PARD3B: variants seen among roughly 807,000 people sequenced by gnomAD.
PARD3B encodes the protein partitioning defective 3 homolog B.
PARD3B carries 103 observed loss-of-function variants against 130.2 expected under a neutral mutation model. The ratio of observed to expected loss-of-function variants is 0.79; its 90% confidence interval spans 0.67 to 0.93. PARD3B has a LOEUF of 0.93. Ranked by LOEUF, PARD3B falls within the 40% of genes least tolerant of loss-of-function variation. PARD3B has a pLI of 0.00. For synonymous variants in PARD3B, 583 were observed against 553.2 expected (o/e 1.05, Z -0.76); for missense variants, 1,609 against 1,499.2 (o/e 1.07, Z -1.21).
chr2:205,429,050 G>A (rs554917633), intron 19 of PARD3B, among the ~76,000 whole-genome samples: 8 of 152,282 alleles, frequency 5.3e-5, no homozygotes, highest in African/African-American at 1.7e-4. Context: ...CCAGAAGAAC[G>A]AAAGAGCTCA....
chr2:204,915,161 G>A (rs1454935060), intron 2 of PARD3B, among the ~76,000 whole-genome samples: 1 of 152,170 alleles, frequency 6.6e-6, no homozygotes, highest in Non-Finnish European at 1.5e-5. Flanking sequence ...TGGAAAGAGA[G>A]AACATTGTTA....
chr2:205,079,461 A>T (rs1701273564), intron 4 of PARD3B, among the ~76,000 whole-genome samples: 1 of 152,162 alleles, frequency 6.6e-6, no homozygotes, highest in South Asian at 2.1e-4. Flanking sequence ...TCCTTACATG[A>T]CAGAAGGCAG....
chr2:205,588,099 C>G (rs960636181), intron 22 of PARD3B, among the ~76,000 whole-genome samples: 4 of 152,200 alleles, frequency 2.6e-5, no homozygotes, highest in African/African-American at 9.6e-5. Flanking sequence ...GAGAAAATTT[C>G]CAGACATTTC....
At chr2:204,905,185 C>T (rs975885668) in intron 2 of PARD3B, among the ~76,000 whole-genome samples, 12 of 152,192 alleles carry the variant, frequency 7.9e-5, no homozygotes, top group African/African-American at 2.9e-4. Context: ...TCCCCTACCT[C>T]CTTCAAGGTC....
In PARD3B at chr2:205,033,067, T is replaced by C. The variant is rs114805835; in HGVS notation, c.395-14514T>C. Among the ~76,000 whole-genome samples, 682 of 152,288 alleles carry C rather than the reference T, an allele frequency of 4.5e-3. 3 individuals carry two copies. Among genetic ancestry groups the C allele is most frequent in the Non-Finnish European group, 7.6e-3 (516 of 68,026 alleles). On this transcript the variant is annotated intron_variant, in intron 3 of 22. Coordinates refer to ENST00000406610, the MANE Select transcript of PARD3B (RefSeq NM_001302769.2). ...CTTGAAGTATTCTTTTACAGGCTGTTCTCAACTCACTGGGGGCTGTGACCT... is the reference window on the plus strand; with the variant it reads ...CTTGAAGTATTCTTTTACAGGCTGTCCTCAACTCACTGGGGGCTGTGACCT...
chr2:205,470,581 A>G lies in PARD3B; in HGVS notation c.3045-29315A>G, dbSNP rs889998657. Among the ~76,000 whole-genome samples the G allele has an allele frequency of 6.6e-6, 1 of 152,224 alleles. No individual in the cohort carries two copies. The highest frequency in any genetic ancestry group is 1.9e-4 in the East Asian group (1 of 5,194). On this transcript the variant is annotated intron_variant, in intron 20 of 22. Transcript: ENST00000406610. This position sits in a 1 kb window ranked among gnomAD's most constrained non-coding sequence, Gnocchi z 4.8. ...TGTCTAGATAATGAGAATTTAAGTT[A>G]TAAGATTTGTAAGGATCATGGAATA...
chr2:204,766,539 A>G (rs1012545182), intron 2 of PARD3B, among the ~76,000 whole-genome samples: 1 of 152,204 alleles, frequency 6.6e-6, no homozygotes, highest in Admixed American at 6.6e-5. Context: ...CTCTTAATGT[A>G]CTATTGCTAT....
At position 204,576,476 on chromosome 2, in the gene PARD3B, ACT is replaced by A. The variant is rs565858232; in HGVS notation, c.120+30360_120+30361del. ...GTTTTTTTTCCAGTTAAAAATGATA[ACT>A]CTTCTATCTGGTGGTTCTCAACATG... On this transcript the variant is annotated intron_variant, in intron 1 of 22. Coordinates refer to ENST00000406610, the MANE Select transcript of PARD3B (RefSeq NM_001302769.2). Among the ~76,000 whole-genome samples, 15 of 151,992 alleles carry A rather than the reference ACT, an allele frequency of 9.9e-5. No individual in the cohort carries two copies. In the East Asian group the frequency reaches 2.9e-3, roughly 29 times the overall value.
intron 19 of PARD3B, among the ~76,000 whole-genome samples, chr2:205,419,151 G>A (rs2046878815): frequency 6.6e-6 from 1 of 152,064 alleles, no homozygotes. Flanking sequence ...CATGGGTCAT[G>A]GGAGGGACCC....
In PARD3B at chr2:205,288,777, C is replaced by A. The variant is rs772910877; in HGVS notation, c.2186-11753C>A. Among the ~76,000 whole-genome samples, 57 of 152,172 alleles carry A rather than the reference C, an allele frequency of 3.7e-4. No individual in the cohort carries two copies. The highest frequency in any genetic ancestry group is 6.8e-4 in the Non-Finnish European group (46 of 68,030). On this transcript the variant is annotated intron_variant, in intron 16 of 22. Coordinates refer to ENST00000406610, the MANE Select transcript of PARD3B (RefSeq NM_001302769.2). The surrounding 1 kb of genome is among the most constrained non-coding windows in gnomAD (Gnocchi z 4.0). ...GCCTGTCCACCTCCTACTTCTCTTA[C>A]CTATATATCATCCATCTTCAAGGAT...
intron 20 of PARD3B, among the ~76,000 whole-genome samples, chr2:205,454,147 G>T (rs545769783): frequency 6.6e-6 from 1 of 152,238 alleles, no homozygotes; most frequent in South Asian, 2.1e-4. Context: ...TGCTAGATTT[G>T]TGTGGATCTG....
In PARD3B at chr2:205,160,887, C is replaced by A. The variant is rs2034467255; in HGVS notation, c.1620+1980C>A. ...GAATCCAGGCAGTCTGACTCCAGAA[C>A]CTGCGTTATGCTGCACTGAAATGAA... On this transcript the variant is annotated intron_variant, in intron 11 of 22. Coordinates refer to ENST00000406610, the MANE Select transcript of PARD3B (RefSeq NM_001302769.2). This position sits in a 1 kb window ranked among gnomAD's most constrained non-coding sequence, Gnocchi z 4.0. Among the ~76,000 whole-genome samples the A allele has an allele frequency of 6.6e-6, 1 of 152,150 alleles. No homozygotes were observed. The highest frequency in any genetic ancestry group is 6.5e-5 in the Admixed American group (1 of 15,276).
rs1188607669 is a variant in PARD3B, at chr2:205,390,300, G to GAAA, written c.2631-10703_2631-10701dup. On this transcript the variant is annotated intron_variant, in intron 18 of 22. Transcript: ENST00000406610. ...TATATATTAGAAAGAAGAAGAATAT[G>GAAA]AAAAAAAAAAAAGCTCTAGTTATAC... is the stretch of plus-strand genomic sequence containing the variant. Among the ~76,000 whole-genome samples the GAAA allele has an allele frequency of 6.6e-4, 93 of 140,326 alleles. 1 individual carries two copies. The highest frequency in any genetic ancestry group is 2.3e-3 in the African/African-American group (87 of 38,654). 92.1% of individuals were successfully genotyped at this position (140,326 alleles called of 152,430 possible).
chr2:204,658,554 T>C (rs1032352819), intron 1 of PARD3B, among the ~76,000 whole-genome samples: 1 of 152,192 alleles, frequency 6.6e-6, no homozygotes, highest in Non-Finnish European at 1.5e-5. Flanking sequence ...CTTTGTCAGT[T>C]ACCTCAAAGC....
At chr2:205,221,685 T>C (rs185612763) in intron 15 of PARD3B, among the ~76,000 whole-genome samples, 35 of 152,226 alleles carry the variant, frequency 2.3e-4, no homozygotes, top group Middle Eastern at 3.4e-3. Context: ...TTCATTACCA[T>C]GTACAAACAA....
intron 2 of PARD3B, among the ~76,000 whole-genome samples, chr2:204,740,890 G>C (rs112565607): frequency 6.6e-6 from 1 of 152,122 alleles, no homozygotes; most frequent in Non-Finnish European, 1.5e-5. Flanking sequence ...GGATGTTTTT[G>C]TGTATCTTAA....
At chr2:205,004,138 A>G (rs776654217) in intron 3 of PARD3B, among the ~76,000 whole-genome samples, 3 of 152,184 alleles carry the variant, frequency 2.0e-5, no homozygotes, top group African/African-American at 4.8e-5. Context: ...TCTTATTCAG[A>G]GTTGGGGTAT....
chr2:205,339,577 G>A (rs780650259), intron 18 of PARD3B, among the ~76,000 whole-genome samples: 2 of 152,164 alleles, frequency 1.3e-5, no homozygotes, highest in Non-Finnish European at 2.9e-5. Flanking sequence ...TAAAGTGTTG[G>A]AGGTATTGGC....
At chr2:205,316,510 T>C (rs1411347581) in intron 18 of PARD3B, among the ~76,000 whole-genome samples, 1 of 152,148 alleles carries the variant, frequency 6.6e-6, no homozygotes, top group Non-Finnish European at 1.5e-5. Flanking sequence ...TATTTGAATA[T>C]CTATTAAGCA....
Sources: allele counts gnomAD v4.1 joint callset (sites outside exome capture counted in the v4.1 genomes callset), GRCh38; gene constraint gnomAD v4.1.1; non-coding constraint Gnocchi (gnomAD v3.1); transcripts MANE v1.5; gene names NCBI Gene and HGNC (gene_info 2026-07-23, HGNC 2026-07-21).